MARK3: variants seen among roughly 807,000 people sequenced by gnomAD.
MARK3 encodes microtubule affinity regulating kinase 3.
A neutral mutation model predicts 90.1 loss-of-function variants in MARK3; 46 were observed. The observed-to-expected ratio is 0.51, with a 90% confidence interval of 0.40 to 0.65. MARK3 has a LOEUF of 0.65. Ranked by LOEUF, MARK3 falls within the 30% of genes least tolerant of loss-of-function variation. MARK3 has a pLI of 0.00. For synonymous variants in MARK3, 321 were observed against 332.6 expected, an observed-to-expected ratio of 0.97 and a Z score of 0.38; for missense variants, 818 against 947.2, an observed-to-expected ratio of 0.86 and a Z score of 1.79.
intron 12 of MARK3, among the ~76,000 whole-genome samples, chr14:103,471,078 G>T (rs1453998195): frequency 6.6e-6 from 1 of 151,910 alleles, no homozygotes; most frequent in Non-Finnish European, 1.5e-5. Context: ...ATCTAGGTCT[G>T]CCTTTTTTGT....
rs533034835 is a variant in MARK3, at chr14:103,501,680, G to A, written c.1917-1202G>A. Among the ~76,000 whole-genome samples, 13 of 151,664 alleles carry A rather than the reference G, an allele frequency of 8.6e-5. 1 individual carries two copies. The South Asian group carries it at 2.3e-3, about 27-fold the overall frequency. ...TGCCTGTCACGTTCTCCTGCTCGGCGGGCTCCACCTCTTCTGCTGCCCTCT... is the reference window on the plus strand; with the variant it reads ...TGCCTGTCACGTTCTCCTGCTCGGCAGGCTCCACCTCTTCTGCTGCCCTCT... On this transcript the variant is annotated intron_variant, in intron 17 of 17. Transcript: ENST00000429436.
intron 5 of MARK3, among the ~76,000 whole-genome samples, chr14:103,452,592 C>CTCCCGAGT (rs1448925882): frequency 9.3e-5 from 14 of 149,930 alleles, no homozygotes; most frequent in African/African-American, 3.4e-4. Flanking sequence ...CTGCCTCAGC[C>CTCCCGAGT]TCCCGAGTAG....
At chr14:103,493,629 C>A (rs111491029) in intron 15 of MARK3, among the ~76,000 whole-genome samples, 2 of 152,234 alleles carry the variant, frequency 1.3e-5, no homozygotes, top group African/African-American at 4.8e-5. Flanking sequence ...AATCCCAGCA[C>A]TTTGGGAGGC....
intron 13 of MARK3, among the ~76,000 whole-genome samples, chr14:103,476,113 G>A (rs2093710115): frequency 6.6e-6 from 1 of 152,190 alleles, no homozygotes; most frequent in Admixed American, 6.5e-5. Context: ...GACACTAGAT[G>A]GTGATAGGTC....
At chr14:103,440,568 C>G (rs1217054684) in intron 3 of MARK3, among the ~76,000 whole-genome samples, 1 of 152,072 alleles carries the variant, frequency 6.6e-6, no homozygotes, top group Non-Finnish European at 1.5e-5. Flanking sequence ...CCACTGCACT[C>G]CAGCCTGGCG....
At chr14:103,393,625 C>T (rs8014182) in intron 1 of MARK3, among the ~76,000 whole-genome samples, 15,830 of 152,130 alleles carry the variant, frequency 0.1, 1,048 homozygotes, top group Middle Eastern at 0.19. Context: ...TTATGTAGCT[C>T]ATGATATATA....
intron 2 of MARK3, among the ~76,000 whole-genome samples, chr14:103,408,320 T>C (rs933437452): frequency 2.6e-5 from 4 of 152,078 alleles, no homozygotes; most frequent in South Asian, 2.1e-4. Context: ...CCCGAGTAGC[T>C]GGGATTACAG....
chr14:103,461,484 AAT>A (rs1214436752), intron 6 of MARK3, among the ~76,000 whole-genome samples: 1 of 152,250 alleles, frequency 6.6e-6, no homozygotes, highest in African/African-American at 2.4e-5. Flanking sequence ...AGGAATCCTT[AAT>A]AGTGCACGTA....
rs10529756 is a variant in MARK3, at chr14:103,423,200, C to CTTTTTTTTTTTTTTTTTTTTTTT, written c.244-5173_244-5172insTTTTTTTTTTTTTTTTTTTTTTT. Among the ~76,000 whole-genome samples, 7 of 94,718 alleles carry CTTTTTTTTTTTTTTTTTTTTTTT rather than the reference C, an allele frequency of 7.4e-5. 1 individual carries two copies. Among genetic ancestry groups the CTTTTTTTTTTTTTTTTTTTTTTT allele is most frequent in the Non-Finnish European group, 1.1e-4 (6 of 52,416 alleles). The allele number at this position is 94,718 out of a possible 152,430, so 62.1% of individuals were successfully genotyped here. ...TCTATCCCCCTAGAGGACTTGCAGTCTTTTTTTTTTTTTTGCCTCCTCTTT... is the reference window on the plus strand; with the variant it reads ...TCTATCCCCCTAGAGGACTTGCAGTCTTTTTTTTTTTTTTTTTTTTTTTTTTTTTTTTTTTTTGCCTCCTCTTT... On this transcript the variant is annotated intron_variant, in intron 2 of 17. Transcript: ENST00000429436.
chr14:103,406,418 G>C (rs1161309347), intron 2 of MARK3, among the ~76,000 whole-genome samples: 3 of 141,136 alleles, frequency 2.1e-5, no homozygotes, highest in Non-Finnish European at 4.6e-5. Flanking sequence ...TGTATTTTTA[G>C]TAGAGGTGGG....
chr14:103,491,886 CACGGCCAGCCCCGGGA>C lies in MARK3; in HGVS notation c.1702_1717del (p.Gln568GlufsTer36). 1.9e-6 allele frequency: 3 copies of C among 1,614,202 alleles called. No individual in the cohort carries two copies. The highest frequency in any genetic ancestry group is 2.5e-6 in the Non-Finnish European group (3 of 1,180,046). ...AGGCACTGCCAGTCGTAGCACTTTC[CACGGCCAGCCCCGGGA>C]ACGGCGAACCGCAACATATAATGGC... On this transcript the variant is annotated frameshift_variant, in exon 15 of 18. Coordinates refer to ENST00000429436, the MANE Select transcript of MARK3 (RefSeq NM_001128918.3). LOFTEE classifies it high-confidence loss of function.
chr14:103,482,216 A>G (rs983592879), intron 14 of MARK3, among the ~76,000 whole-genome samples: 2 of 152,116 alleles, frequency 1.3e-5, no homozygotes, highest in African/African-American at 2.4e-5. Context: ...ATTGTAGTCT[A>G]CAGGACTACA....
intron 2 of MARK3, among the ~76,000 whole-genome samples, chr14:103,405,796 A>G (rs140497174): frequency 0.03 from 4,319 of 142,988 alleles, 88 homozygotes; most frequent in South Asian, 0.092. Flanking sequence ...ACGGGGTTTC[A>G]CCATGTTGGT....
At chr14:103,450,931 T>G (rs2093130029) in intron 4 of MARK3, among the ~76,000 whole-genome samples, 3 of 124,348 alleles carry the variant, frequency 2.4e-5, no homozygotes, top group African/African-American at 1.0e-4. Context: ...CTTTTTTTTT[T>G]TTTTTTTTTT....
chr14:103,389,310 G>C (rs2090045104), intron 1 of MARK3, among the ~76,000 whole-genome samples: 1 of 151,038 alleles, frequency 6.6e-6, no homozygotes, highest in South Asian at 2.1e-4. Flanking sequence ...CTTGCAGTGA[G>C]CCGAGATTGG....
chr14:103,478,832 C>T (rs2093766665), intron 13 of MARK3, among the ~76,000 whole-genome samples: 1 of 152,182 alleles, frequency 6.6e-6, no homozygotes, highest in African/African-American at 2.4e-5. Flanking sequence ...AGCCACTGTG[C>T]CCAGCCTGCA....
chr14:103,424,950 T>A (rs1371375191), intron 2 of MARK3, among the ~76,000 whole-genome samples: 2 of 152,172 alleles, frequency 1.3e-5, no homozygotes, highest in African/African-American at 2.4e-5. Context: ...TTATTTATTT[T>A]TATTTTTTTG....
chr14:103,412,155 G>T, intron 2 of MARK3: 2 of 1,375,748 alleles, frequency 1.5e-6, no homozygotes, highest in South Asian at 2.8e-5. Context: ...TGGTGCTCTT[G>T]ATATATAAGG....
At chr14:103,418,219 CTTTTTTTTTTT>C (rs36012703) in intron 2 of MARK3, among the ~76,000 whole-genome samples, 1 of 61,654 alleles carries the variant, frequency 1.6e-5, no homozygotes, top group African/African-American at 5.8e-5. Flanking sequence ...ATAGTAAAGG[CTTTTTTTTTTT>C]TTTTTTTTTT....
Sources: gnomAD v4.1 joint callset for allele counts (sites outside exome capture counted in the v4.1 genomes callset) on GRCh38, gnomAD v4.1.1 for gene constraint, MANE v1.5 for transcripts, NCBI Gene and HGNC (gene_info 2026-07-23, HGNC 2026-07-21) for gene names.